Variants in HTT observed in about 807,000 individuals in gnomAD.
HTT encodes the protein huntington disease protein.
HTT carries 104 observed loss-of-function variants against 362.3 expected under a neutral mutation model. That is an observed-to-expected ratio of 0.29 (90% CI 0.24 to 0.34). HTT has a LOEUF of 0.34. Ranked by LOEUF, HTT falls within the 10% of genes least tolerant of loss-of-function variation. The pLI, the probability that HTT is intolerant of heterozygous loss-of-function variation, is 1.00. For synonymous variants in HTT, 1,577 were observed against 1,548.7 expected, an observed-to-expected ratio of 1.02 and a Z score of -0.43; for missense variants, 3,301 against 3,928.6, an observed-to-expected ratio of 0.84 and a Z score of 4.27.
At chr4:3,098,789 T>G (rs952881804) in intron 2 of HTT, among the ~76,000 whole-genome samples, 2 of 152,200 alleles carry the variant, frequency 1.3e-5, no homozygotes, top group African/African-American at 4.8e-5. Context: ...GCAGGAGAGA[T>G]AGACTGCTGA....
At chr4:3,204,360 G>T (rs922172697) in intron 42 of HTT, among the ~76,000 whole-genome samples, 26 of 152,172 alleles carry the variant, frequency 1.7e-4, no homozygotes, top group African/African-American at 6.3e-4. Flanking sequence ...TTCTAAGTTG[G>T]ACTGTGAGAG....
At chr4:3,093,905 G>GTTTTTTTTTTTT (rs67455911) in intron 2 of HTT, among the ~76,000 whole-genome samples, 84 of 23,874 alleles carry the variant, frequency 3.5e-3, no homozygotes, top group Non-Finnish European at 4.0e-3. Context: ...CTTTAAGTTG[G>GTTTTTTTTTTTT]TTTTTTTTTT....
intron 29 of HTT, among the ~76,000 whole-genome samples, chr4:3,166,046 T>C (rs950047272): frequency 4.6e-5 from 7 of 152,186 alleles, no homozygotes; most frequent in Non-Finnish European, 5.9e-5. Flanking sequence ...ATCATTGTGG[T>C]TTTATCTACC....
rs774664263 is a variant in HTT at position 3,131,383 on chromosome 4, CAGG to C, written c.2085_2087del (p.Gly697del). Reference sequence around the variant, plus strand: ...CTTTTATCTGCTTCGTTTTTGCTAACAGGGGGAAAAAATGGTGAGTACAAAAGG... The same window carrying C: ...CTTTTATCTGCTTCGTTTTTGCTAACGGGAAAAAATGGTGAGTACAAAAGG... On this transcript the variant is annotated inframe_deletion, in exon 15 of 67. Transcript: ENST00000355072. 28 of 1,612,902 alleles carry C rather than the reference CAGG, an allele frequency of 1.7e-5. No homozygotes were observed. The highest frequency in any genetic ancestry group is 1.7e-4 in the Middle Eastern group (1 of 6,060).
At chr4:3,219,152 A>G (rs773827977) in intron 52 of HTT, among the ~76,000 whole-genome samples, 2 of 152,208 alleles carry the variant, frequency 1.3e-5, no homozygotes, top group African/African-American at 2.4e-5. Context: ...AGAGAGCAGC[A>G]GGGGTGCTGG....
chr4:3,204,666 A>G (rs1719767221), intron 42 of HTT, among the ~76,000 whole-genome samples: 1 of 152,164 alleles, frequency 6.6e-6, no homozygotes, highest in Admixed American at 6.5e-5. Context: ...CATCTCTAAA[A>G]AAATAAAAAA....
At chr4:3,208,937 G>T (rs1296280537) in intron 46 of HTT, 26 bp downstream of exon 46, 2 of 1,597,970 alleles carry the variant, frequency 1.3e-6, no homozygotes, top group Admixed American at 1.7e-5. Flanking sequence ...GTCTGCATGG[G>T]AGGCACAGGG....
At chr4:3,204,273 A>G in intron 42 of HTT, 125 bp downstream of exon 42, 1 of 851,508 alleles carries the variant, frequency 1.2e-6, no homozygotes. Context: ...AGCTCCATCG[A>G]AACTAAATCT....
chr4:3,088,092 C>T (rs1043770793), intron 2 of HTT, among the ~76,000 whole-genome samples: 1 of 152,124 alleles, frequency 6.6e-6, no homozygotes, highest in African/African-American at 2.4e-5. Flanking sequence ...CCGCCTCAGC[C>T]TCCCAAAGTG....
At chr4:3,225,152 C>T (rs1489713843) in intron 56 of HTT, among the ~76,000 whole-genome samples, 6 of 144,840 alleles carry the variant, frequency 4.1e-5, no homozygotes, top group Admixed American at 2.8e-4. Flanking sequence ...TGGCCTGGGG[C>T]GTGGGGGGGT....
At position 3,127,434 on chromosome 4, in the gene HTT, G is replaced by A; in HGVS notation, c.1573G>A (p.Asp525Asn). Reference sequence around the variant, plus strand: ...CTTGACAAGCTCTGCCACTGATGGGGATGAGGAGGATATCTTGAGCCACAG... The same window carrying A: ...CTTGACAAGCTCTGCCACTGATGGGAATGAGGAGGATATCTTGAGCCACAG... ...CDLTSSATDG[D>N]EEDILSHSSS... The change falls in exon 12 of 67, where the codon GAT (aspartate) becomes AAT (asparagine). Residue 525 changes from aspartate (D) to asparagine (N), a missense_variant. By Grantham distance (23) the Asp-to-Asn change is conservative (BLOSUM62 1). Coordinates refer to ENST00000355072, the MANE Select transcript of HTT (RefSeq NM_001388492.1). 1.2e-6 allele frequency: 2 copies of A among 1,614,166 alleles called. No individual in the cohort carries two copies. Among genetic ancestry groups the A allele is most frequent in the Non-Finnish European group, 1.7e-6 (2 of 1,180,020 alleles).
Position 3,178,308 on chromosome 4 carries a change from G to A in HTT, c.4474G>A (p.Ala1492Thr), listed in dbSNP as rs1480364245. 7 of 1,606,076 alleles carry A rather than the reference G, an allele frequency of 4.4e-6. No individual in the cohort carries two copies. Among genetic ancestry groups the A allele is most frequent in the African/African-American group, 1.3e-5 (1 of 74,806 alleles). Residue 1492 changes from alanine to threonine, a missense_variant, in exon 35 of 67, where the codon GCA (alanine) becomes ACA (threonine). Around this residue, in one of 4 missense-constraint regions of HTT, gnomAD observed 2,316 missense variants for 2,658.5 expected, o/e 0.87. Coordinates refer to ENST00000355072, the MANE Select transcript of HTT (RefSeq NM_001388492.1). ...TGTTTTTGTTTTTAGGGAATCAGAG[G>A]CAATCATTCCAAACATCTTTTTCTT... ...IEVGQFRESE[A>T]IIPNIFFFLV...
intron 60 of HTT, among the ~76,000 whole-genome samples, chr4:3,232,027 G>A (rs1407369805): frequency 1.3e-5 from 2 of 152,160 alleles, no homozygotes; most frequent in Non-Finnish European, 2.9e-5. Context: ...AGAGCATGTC[G>A]TTTTGAGGTA....
Position 3,228,704 on chromosome 4 carries a change from C to G in HTT, c.7938C>G (p.Ala2646=), listed in dbSNP as rs201422922. Residue 2646 remains alanine, a synonymous_variant, in exon 58 of 67, where the codon GCC becomes GCG. Transcript: ENST00000355072. The surrounding 1 kb of genome is among the most constrained non-coding windows in gnomAD (Gnocchi z 4.3). The part of the protein sequence containing the change: ...WDEEEEEEAD[A]PAPSSPPTSP... Reference sequence around the variant, plus strand: ...AGGAAGAGGAGGAGGAGGCCGACGCCCCTGCACCTTCGTCACCACCCACGT... The same window carrying G: ...AGGAAGAGGAGGAGGAGGCCGACGCGCCTGCACCTTCGTCACCACCCACGT... 1,434 of 1,609,142 alleles carry G rather than the reference C, an allele frequency of 8.9e-4. 10 individuals carry two copies. The highest frequency in any genetic ancestry group is 3.2e-4 in the Non-Finnish European group (378 of 1,177,124).
rs1029078035 is a variant in HTT at position 3,093,159 on chromosome 4, G to A, written c.348-6115G>A. On this transcript the variant is annotated intron_variant, in intron 2 of 66. Coordinates refer to ENST00000355072, the MANE Select transcript of HTT (RefSeq NM_001388492.1). ...AGTACTGACGAGCACTTGCTTGTGC[G>A]GAAATGACCCAGGGCTGGAGGTAGA... is the stretch of plus-strand genomic sequence containing the variant. Among the ~76,000 whole-genome samples, 14 of 152,140 alleles carry A rather than the reference G, an allele frequency of 9.2e-5. 1 individual carries two copies. The highest frequency in any genetic ancestry group is 6.5e-5 in the Admixed American group (1 of 15,272).
chr4:3,205,675 G>A (rs971427673), intron 42 of HTT, among the ~76,000 whole-genome samples: 13 of 151,950 alleles, frequency 8.6e-5, no homozygotes, highest in African/African-American at 1.2e-4. Context: ...TCAGATTTTC[G>A]GATTTAGGGA....
chr4:3,185,268 TGTG>T (rs1718709897), intron 37 of HTT, among the ~76,000 whole-genome samples: 1 of 152,126 alleles, frequency 6.6e-6, no homozygotes. Flanking sequence ...AAATCGCCGT[TGTG>T]GTGTTCACAG....
intron 26 of HTT, 21 bp from the exon 27 acceptor site, chr4:3,154,272 G>C: frequency 3.3e-6 from 5 of 1,521,048 alleles, no homozygotes; most frequent in Non-Finnish European, 4.4e-6. Context: ...TTTGTTTTTT[G>C]TTTTTGTTTT....
chr4:3,128,698 T>A (rs2110185879), intron 12 of HTT: 1 of 152,368 alleles, frequency 6.6e-6, no homozygotes, highest in Non-Finnish European at 1.5e-5. Context: ...ATGGATAGTC[T>A]AATAATGTTT....
Sources: allele counts gnomAD v4.1 joint callset (sites outside exome capture counted in the v4.1 genomes callset), GRCh38; gene constraint gnomAD v4.1.1; regional missense constraint gnomAD v4.1.1; non-coding constraint Gnocchi (gnomAD v3.1); transcripts MANE v1.5; gene names NCBI Gene and HGNC (gene_info 2026-07-23, HGNC 2026-07-21).